PAPSS1: variants seen among roughly 807,000 people sequenced by gnomAD.
PAPSS1 encodes bifunctional 3'-phosphoadenosine 5'-phosphosulfate synthase 1.
Under a neutral mutation model 72.0 loss-of-function variants are expected in PAPSS1, and 50 were observed. That is an observed-to-expected ratio of 0.69 (90% confidence interval 0.55 to 0.88). PAPSS1 has a LOEUF of 0.88. Among genes scored for constraint, PAPSS1 ranks in the 40% least tolerant of loss-of-function variants. PAPSS1 has a pLI of 0.00. For missense variants in PAPSS1, 657 were observed against 782.2 expected, an observed-to-expected ratio of 0.84 and a Z score of 1.91; for synonymous variants, 261 against 263.6, an observed-to-expected ratio of 0.99 and a Z score of 0.09.
intron 11 of PAPSS1, among the ~76,000 whole-genome samples, chr4:107,627,040 A>G (rs1560564690): frequency 1.3e-5 from 2 of 152,212 alleles, no homozygotes; most frequent in African/African-American, 4.8e-5. Context: ...TAAAAGAGAG[A>G]CTTAAAGCAA....
chr4:107,709,953 G>A (rs1401496387), intron 1 of PAPSS1, among the ~76,000 whole-genome samples: 1 of 152,298 alleles, frequency 6.6e-6, no homozygotes, highest in African/African-American at 2.4e-5. Flanking sequence ...TGGGCAGCAG[G>A]CAAAATGAAC....
In PAPSS1 at chr4:107,693,828, T is replaced by C. The variant is rs369141138; in HGVS notation, c.354A>G (p.Lys118=). The change falls in exon 3 of 12, where the codon AAA becomes AAG. Residue 118 remains lysine (K), a synonymous_variant. Transcript: ENST00000265174. ...ACACTAAGCCAGCATCTGCAAACAGTTTAGCAACTTCTGCGATGCGTCGAA... is the reference window on the plus strand; with the variant it reads ...ACACTAAGCCAGCATCTGCAAACAGCTTAGCAACTTCTGCGATGCGTCGAA... The part of the protein sequence containing the change: ...ENVRRIAEVA[K]LFADAGLVCI... The C allele has an allele frequency of 5.7e-5, 92 of 1,613,790 alleles. No individual in the cohort carries two copies. The highest frequency in any genetic ancestry group is 7.2e-5 in the Non-Finnish European group (85 of 1,179,882).
chr4:107,705,597 C>T (rs1202230297), intron 1 of PAPSS1, among the ~76,000 whole-genome samples: 1 of 152,206 alleles, frequency 6.6e-6, no homozygotes, highest in Non-Finnish European at 1.5e-5. Flanking sequence ...TACAGACTGG[C>T]ATTAATCTTT....
rs112367646 is a variant in PAPSS1, at chr4:107,702,781, G to A, written c.61-1496C>T. 4.6e-3 allele frequency among the ~76,000 whole-genome samples: 692 copies of A among 151,992 alleles called. 4 individuals carry two copies. Among genetic ancestry groups the A allele is most frequent in the African/African-American group, 0.016 (658 of 41,430 alleles). ...AACACTTAAGCTGATTCCATATCTT[G>A]ACTATGGTAAATAGTGCTGCAATTT... On this transcript the variant is annotated intron_variant, in intron 1 of 11. Transcript: ENST00000265174.
At position 107,680,482 on chromosome 4, in the gene PAPSS1, GAACA is replaced by G. The variant is rs571598762; in HGVS notation, c.669+1529_669+1532del. On this transcript the variant is annotated intron_variant, in intron 5 of 11. Coordinates refer to ENST00000265174, the MANE Select transcript of PAPSS1 (RefSeq NM_005443.5). Reference sequence around the variant, plus strand: ...CCCAGTAAAAGTATTTTCTAAAAATGAACAAACAGATGAGAAAGCCCCTGTGCCT... The same window carrying G: ...CCCAGTAAAAGTATTTTCTAAAAATGAACAGATGAGAAAGCCCCTGTGCCT... 2.6e-4 allele frequency among the ~76,000 whole-genome samples: 40 copies of G among 152,298 alleles called. No individual in the cohort carries two copies. In the East Asian group the frequency reaches 7.5e-3, roughly 29 times the overall value.
Position 107,644,926 on chromosome 4 carries a change from T to C in PAPSS1, c.1382A>G (p.Asp461Gly), listed in dbSNP as rs549473406. The C allele has an allele frequency of 4.5e-5, 73 of 1,613,948 alleles. No individual in the cohort carries two copies. The highest frequency in any genetic ancestry group is 6.1e-5 in the Non-Finnish European group (72 of 1,179,972). Reference sequence around the variant, plus strand: ...CATACGCCACATCAAAGGAACATCGTCATCCTTTGTCCAGCCACCCAGAGG... The same window carrying C: ...CATACGCCACATCAAAGGAACATCGCCATCCTTTGTCCAGCCACCCAGAGG... ...LHPLGGWTKD[D>G]DVPLMWRMKQ... is the part of the protein sequence containing the mutation. Residue 461 changes from aspartate to glycine, a missense_variant, in exon 10 of 12, where the codon GAC (aspartate) becomes GGC (glycine). Asp to Gly is a moderately conservative substitution (Grantham distance 94). Around this residue, in one of 7 missense-constraint regions of PAPSS1, gnomAD observed 166 missense variants for 228.3 expected, o/e 0.73. Transcript: ENST00000265174.
At chr4:107,667,833 T>C (rs1274452323) in intron 5 of PAPSS1, among the ~76,000 whole-genome samples, 1 of 152,224 alleles carries the variant, frequency 6.6e-6, no homozygotes, top group African/African-American at 2.4e-5. Flanking sequence ...CTATTCTTAT[T>C]GCACTTACAT....
At chr4:107,719,805 G>T in intron 1 of PAPSS1, 1 of 1,208,258 alleles carries the variant, frequency 8.3e-7, no homozygotes. Context: ...TTCAGCAAGC[G>T]CCAGTTCACG....
In PAPSS1 at chr4:107,626,400, T is replaced by A. The variant is rs532681769; in HGVS notation, c.1736+5231A>T. Reference sequence around the variant, plus strand: ...ATCTACCCTAATATAAAGACTTACATTATAACAGAGGGGAAAAAATACAAA... The same window carrying A: ...ATCTACCCTAATATAAAGACTTACAATATAACAGAGGGGAAAAAATACAAA... On this transcript the variant is annotated intron_variant, in intron 11 of 11. Coordinates refer to ENST00000265174, the MANE Select transcript of PAPSS1 (RefSeq NM_005443.5). Among the ~76,000 whole-genome samples the A allele has an allele frequency of 7.2e-5, 11 of 152,216 alleles. No individual in the cohort carries two copies. In the South Asian group the frequency reaches 2.3e-3, roughly 32 times the overall value.
At chr4:107,715,112 T>C (rs1252120109) in intron 1 of PAPSS1, among the ~76,000 whole-genome samples, 1 of 152,196 alleles carries the variant, frequency 6.6e-6, no homozygotes, top group Non-Finnish European at 1.5e-5. Context: ...AAATGTTCTA[T>C]ACTGTGCTGT....
intron 1 of PAPSS1, among the ~76,000 whole-genome samples, chr4:107,709,435 T>C (rs184980018): frequency 2.6e-5 from 4 of 152,294 alleles, no homozygotes; most frequent in Admixed American, 2.6e-4. Context: ...GTTTAAATGA[T>C]AATACTACTT....
intron 5 of PAPSS1, among the ~76,000 whole-genome samples, chr4:107,681,339 C>T (rs1315532414): frequency 6.6e-6 from 1 of 152,122 alleles, no homozygotes; most frequent in Non-Finnish European, 1.5e-5. Flanking sequence ...GAGGCCAGAT[C>T]CTCTTCAACT....
intron 11 of PAPSS1, among the ~76,000 whole-genome samples, chr4:107,629,344 T>C (rs772488045): frequency 6.6e-6 from 1 of 152,214 alleles, no homozygotes; most frequent in Non-Finnish European, 1.5e-5. Context: ...ATGATGCCCA[T>C]AGTGGCAGAC....
At chr4:107,696,718 T>C (rs1267887043) in intron 2 of PAPSS1, among the ~76,000 whole-genome samples, 1 of 151,900 alleles carries the variant, frequency 6.6e-6, no homozygotes, top group Non-Finnish European at 1.5e-5. Context: ...GTTCTACACA[T>C]GTATCCCAGA....
intron 2 of PAPSS1, among the ~76,000 whole-genome samples, chr4:107,695,875 C>A (rs1415857499): frequency 2.6e-5 from 4 of 151,858 alleles, no homozygotes; most frequent in African/African-American, 9.7e-5. Context: ...GAACTTAATA[C>A]AGAAGAAATA....
intron 1 of PAPSS1, among the ~76,000 whole-genome samples, chr4:107,717,919 C>T (rs1458572475): frequency 6.6e-6 from 1 of 152,176 alleles, no homozygotes; most frequent in East Asian, 1.9e-4. Flanking sequence ...CACCTTACCC[C>T]AGCCCTTCAG....
intron 3 of PAPSS1, among the ~76,000 whole-genome samples, chr4:107,691,313 C>T (rs186405343): frequency 2.0e-4 from 30 of 152,228 alleles, no homozygotes; most frequent in Admixed American, 2.6e-4. Context: ...ACATGACTTA[C>T]GTAATCTTCA....
intron 5 of PAPSS1, among the ~76,000 whole-genome samples, chr4:107,661,432 A>C (rs1416202405): frequency 6.6e-6 from 1 of 152,224 alleles, no homozygotes; most frequent in Non-Finnish European, 1.5e-5. Context: ...CCAAAAGTTG[A>C]CAGCCACAAT....
intron 11 of PAPSS1, among the ~76,000 whole-genome samples, chr4:107,625,806 T>C (rs1011766057): frequency 5.3e-5 from 8 of 152,164 alleles, no homozygotes; most frequent in Non-Finnish European, 1.2e-4. Flanking sequence ...ACCTCTCCCA[T>C]GGAAAGTATA....
Sources: allele counts gnomAD v4.1 joint callset (sites outside exome capture counted in the v4.1 genomes callset), GRCh38; gene constraint gnomAD v4.1.1; regional missense constraint gnomAD v4.1.1; transcripts MANE v1.5; gene names NCBI Gene and HGNC (gene_info 2026-07-23, HGNC 2026-07-21).